IFT140: variants seen among roughly 807,000 people sequenced by gnomAD.
IFT140 encodes the protein intraflagellar transport protein 140 homolog.
IFT140 carries 133 observed loss-of-function variants against 164.6 expected under a neutral mutation model. The observed-to-expected ratio is 0.81, with a 90% confidence interval of 0.70 to 0.93. IFT140 has a LOEUF of 0.93. IFT140 is among the 40% of genes least tolerant of loss of function. The pLI, the probability that IFT140 is intolerant of heterozygous loss-of-function variation, is 0.00. For synonymous variants in IFT140, 860 were observed against 817.3 expected (o/e 1.05, Z -0.89); for missense variants, 2,045 against 1,972.3 (o/e 1.04, Z -0.70).
At chr16:1,544,023 T>C (rs1314247992) in intron 19 of IFT140, among the ~76,000 whole-genome samples, 1 of 151,412 alleles carries the variant, frequency 6.6e-6, no homozygotes, top group Non-Finnish European at 1.5e-5. Flanking sequence ...ACATTTCTTT[T>C]TTTTTTTTTT....
rs971260925 is a variant in IFT140 at position 1,543,414 on chromosome 16, C to A, written c.2399+14521G>T. Among the ~76,000 whole-genome samples the A allele has an allele frequency of 9.2e-5, 14 of 152,262 alleles. No individual in the cohort carries two copies. The South Asian group carries it at 2.7e-3, about 29-fold the overall frequency. On this transcript the variant is annotated intron_variant, in intron 19 of 30. Transcript: ENST00000426508. ...AGCGAGTCAGGCCGGGCTCTCTGAGCGCTATTAATAGCATGGCGTGGCCCT... is the reference window on the plus strand; with the variant it reads ...AGCGAGTCAGGCCGGGCTCTCTGAGAGCTATTAATAGCATGGCGTGGCCCT...
At position 1,513,875 on chromosome 16, in the gene IFT140, G is replaced by C. The variant is rs551416387; in HGVS notation, c.4183-2725C>G. On this transcript the variant is annotated intron_variant, in intron 30 of 30. Coordinates refer to ENST00000426508, the MANE Select transcript of IFT140 (RefSeq NM_014714.4). ...TTTTTAGTAGAGACGGGGTTTCACC[G>C]TGTTAGCCAAGATGGTCTCCATCTC... Among the ~76,000 whole-genome samples, 1,376 of 141,362 alleles carry C rather than the reference G, an allele frequency of 9.7e-3. 43 individuals carry two copies. The highest frequency in any genetic ancestry group is 0.036 in the African/African-American group (1,304 of 36,108). The allele number at this position is 141,362 out of a possible 152,430, so 92.7% of individuals were successfully genotyped here. A position where few individuals can be genotyped will look rare whatever the true frequency, so the allele number is the denominator to read the frequency against.
At chr16:1,522,907 C>G (rs2040564866) in intron 26 of IFT140, among the ~76,000 whole-genome samples, 1 of 152,080 alleles carries the variant, frequency 6.6e-6, no homozygotes, top group South Asian at 2.1e-4. Context: ...TATTTGGGAA[C>G]CACCCATATT....
In IFT140 at chr16:1,510,957, T is replaced by A; in HGVS notation, c.4376A>T (p.Asp1459Val). 6.2e-7 allele frequency: 1 copy of A among 1,611,904 alleles called. No homozygotes were observed. Among genetic ancestry groups the A allele is most frequent in the South Asian group, 1.1e-5 (1 of 90,574 alleles). ...ELDEEVVEEADDDP is the reference protein window; with the variant it reads ...ELDEEVVEEAVDDP ...GGCCCAGGCCCCTCAGGGGTCGTCATCTGCCTCTTCCACCACCTCCTCGTC... is the reference window on the plus strand; with the variant it reads ...GGCCCAGGCCCCTCAGGGGTCGTCAACTGCCTCTTCCACCACCTCCTCGTC... The change falls in exon 31 of 31, where the codon GAT (aspartate) becomes GTT (valine). Residue 1459 changes from aspartate to valine, a missense_variant. Physicochemically the swap from Asp to Val is radical, Grantham distance 152. Coordinates refer to ENST00000426508, the MANE Select transcript of IFT140 (RefSeq NM_014714.4).
chr16:1,513,662 C>T lies in IFT140; in HGVS notation c.4183-2512G>A, dbSNP rs534539243. 4.6e-3 allele frequency among the ~76,000 whole-genome samples: 670 copies of T among 144,386 alleles called. 3 individuals are homozygous for T. Among genetic ancestry groups the T allele is most frequent in the Non-Finnish European group, 7.6e-3 (507 of 66,864 alleles). The allele number at this position is 144,386 out of a possible 152,430, so 94.7% of individuals were successfully genotyped here. On this transcript the variant is annotated intron_variant, in intron 30 of 30. Coordinates refer to ENST00000426508, the MANE Select transcript of IFT140 (RefSeq NM_014714.4). ...GGCACTGGGCAGGCTTCCTGCTTCT[C>T]ACAACTTTCTTTTTTTTTTTTTCTT... is the stretch of plus-strand genomic sequence containing the variant.
chr16:1,560,459 G>A (rs1567371241), intron 18 of IFT140, among the ~76,000 whole-genome samples: 1 of 152,192 alleles, frequency 6.6e-6, no homozygotes, highest in Non-Finnish European at 1.5e-5. Context: ...GCACACACCT[G>A]GTCACGTCAT....
chr16:1,606,812 TACAC>T (rs776680305), intron 3 of IFT140, among the ~76,000 whole-genome samples: 25 of 151,610 alleles, frequency 1.6e-4, no homozygotes, highest in Admixed American at 2.6e-4. Context: ...CGTTTGAAAA[TACAC>T]ACACGCACCA....
intron 4 of IFT140, among the ~76,000 whole-genome samples, chr16:1,594,436 G>C (rs1438490504): frequency 1.3e-5 from 2 of 152,066 alleles, no homozygotes; most frequent in East Asian, 3.9e-4. Flanking sequence ...GCCCAGGCTG[G>C]TATCAAACTC....
chr16:1,521,877 T>C (rs2040537242), intron 26 of IFT140, among the ~76,000 whole-genome samples: 1 of 118,020 alleles, frequency 8.5e-6, no homozygotes, highest in Non-Finnish European at 1.8e-5. Flanking sequence ...AAAACAGTAA[T>C]AACCCACAAA....
At chr16:1,526,185 C>T in intron 20 of IFT140, 108 bp from the exon 21 acceptor site, 4 of 1,046,572 alleles carry the variant, frequency 3.8e-6, no homozygotes, top group Non-Finnish European at 5.5e-6. Flanking sequence ...CACCGCCAAG[C>T]ACACTGACAC....
rs776988446 is a variant in IFT140 at position 1,525,972 on chromosome 16, G to GT, written c.2682_2683insA (p.His895ThrfsTer57). On this transcript the variant is annotated frameshift_variant, in exon 21 of 31. Coordinates refer to ENST00000426508, the MANE Select transcript of IFT140 (RefSeq NM_014714.4). LOFTEE classifies it high-confidence loss of function. ...GTGCTGCGCAGGTGCACGCGATCGT[G>GT]GTGCTCGGCTACCTGGAGGGCCTCC... The GT allele has an allele frequency of 6.3e-7, 1 of 1,590,770 alleles. No individual in the cohort carries two copies. Among genetic ancestry groups the GT allele is most frequent in the Non-Finnish European group, 8.5e-7 (1 of 1,169,716 alleles).
intron 19 of IFT140, among the ~76,000 whole-genome samples, chr16:1,556,429 T>C (rs2033087179): frequency 6.6e-6 from 1 of 152,386 alleles, no homozygotes; most frequent in South Asian, 2.1e-4. Context: ...CCTCATGCCC[T>C]GCTGGCATCG....
chr16:1,556,647 C>G (rs2033103433), intron 19 of IFT140, among the ~76,000 whole-genome samples: 1 of 152,218 alleles, frequency 6.6e-6, no homozygotes, highest in Admixed American at 6.5e-5. Context: ...CTATGACACA[C>G]TCAGCACACA....
At chr16:1,561,343 C>A (rs1336378151) in intron 18 of IFT140, among the ~76,000 whole-genome samples, 1 of 152,218 alleles carries the variant, frequency 6.6e-6, no homozygotes. Context: ...GACCAAGTCG[C>A]AGAGAAGGAA....
At chr16:1,608,400 G>A (rs2036179437) in intron 2 of IFT140, among the ~76,000 whole-genome samples, 1 of 152,058 alleles carries the variant, frequency 6.6e-6, no homozygotes, top group Non-Finnish European at 1.5e-5. Flanking sequence ...AGGCCGAGGT[G>A]GGCAGATTGC....
intron 18 of IFT140, among the ~76,000 whole-genome samples, chr16:1,560,680 C>T (rs945672439): frequency 1.3e-5 from 2 of 152,172 alleles, no homozygotes; most frequent in African/African-American, 2.4e-5. Flanking sequence ...CTGGGGTCTA[C>T]GCTCCCTCTG....
chr16:1,589,273 AGGTG>A, intron 7 of IFT140, among the ~76,000 whole-genome samples: 1 of 152,166 alleles, frequency 6.6e-6, no homozygotes, highest in African/African-American at 2.4e-5. Flanking sequence ...TGAGTTCTGC[AGGTG>A]GAATGAGAGG....
intron 18 of IFT140, among the ~76,000 whole-genome samples, chr16:1,560,989 G>A (rs906994355): frequency 6.6e-6 from 1 of 152,240 alleles, no homozygotes; most frequent in Non-Finnish European, 1.5e-5. Flanking sequence ...CCTAGGTCCC[G>A]AAAGGTGGAA....
rs2032807675 is a variant in IFT140 at position 1,553,121 on chromosome 16, T to C, written c.2399+4814A>G. The C allele has an allele frequency of 2.0e-6, 2 of 985,286 alleles. No individual in the cohort carries two copies. The highest frequency in any genetic ancestry group is 4.7e-5 in the South Asian group (1 of 21,298). The allele number at this position is 985,286 out of a possible 1,614,324, so 61.0% of individuals were successfully genotyped here. ...TACTTTCTGGAGGGTACAGTGATGA[T>C]GAAAAGATAATGCTTGGGTTTTTAG... On this transcript the variant is annotated intron_variant, in intron 19 of 30. Transcript: ENST00000426508. This position sits in a 1 kb window ranked among gnomAD's most constrained non-coding sequence, Gnocchi z 4.4.
Sources: allele counts gnomAD v4.1 joint callset (sites outside exome capture counted in the v4.1 genomes callset), GRCh38; gene constraint gnomAD v4.1.1; non-coding constraint Gnocchi (gnomAD v3.1); transcripts MANE v1.5; gene names NCBI Gene and HGNC (gene_info 2026-07-23, HGNC 2026-07-21).